The following TBC1D14 variants were observed in gnomAD, a reference collection of about 807,000 sequenced individuals.
The protein encoded by TBC1D14 is TBC1 domain family, member 14.
A neutral mutation model predicts 79.0 loss-of-function variants in TBC1D14; 26 were observed. The observed-to-expected ratio is 0.33, with a 90% CI of 0.24 to 0.46. The LOEUF (loss-of-function observed/expected upper bound fraction) is 0.46, where lower values mean the gene tolerates loss of function less well. TBC1D14 is among the 20% of genes least tolerant of loss of function. The pLI is 1.00. For synonymous variants in TBC1D14, 394 were observed against 349.9 expected, an observed-to-expected ratio of 1.13 and a Z score of -1.40; for missense variants, 769 against 887.6, an observed-to-expected ratio of 0.87 and a Z score of 1.70.
chr4:6,969,429 G>A (rs58935653), intron 3 of TBC1D14, among the ~76,000 whole-genome samples: 42,423 of 151,076 alleles, frequency 0.28, 6,024 homozygotes, highest in Admixed American at 0.32. Context: ...TTTTTGAGAC[G>A]GAGTCTCACT....
At chr4:6,964,760 A>G (rs1390994103) in intron 2 of TBC1D14, among the ~76,000 whole-genome samples, 1 of 152,220 alleles carries the variant, frequency 6.6e-6, no homozygotes, top group African/African-American at 2.4e-5. Context: ...TAACCACAAC[A>G]GAAAAGGAAG....
At chr4:6,926,089 C>A (rs1172502526) in intron 2 of TBC1D14, among the ~76,000 whole-genome samples, 2 of 152,202 alleles carry the variant, frequency 1.3e-5, no homozygotes, top group Non-Finnish European at 2.9e-5. Flanking sequence ...CCCCTAGAAC[C>A]GTGCGCGGAG....
At position 6,997,820 on chromosome 4, in the gene TBC1D14, A is replaced by G. The variant is rs538344625; in HGVS notation, c.1046-1265A>G. Among the ~76,000 whole-genome samples the G allele has an allele frequency of 9.2e-5, 14 of 152,278 alleles. No homozygotes were observed. The South Asian group carries it at 2.9e-3, about 32-fold the overall frequency. The stretch of plus-strand genomic sequence containing the variant: ...TCTATGAGGTCCCTAAGAGCAGTCA[A>G]ACTCAGAGACAAAAAGTAGAATGAT... On this transcript the variant is annotated intron_variant, in intron 5 of 13. Transcript: ENST00000409757.
intron 2 of TBC1D14, among the ~76,000 whole-genome samples, chr4:6,958,837 G>A (rs1325010447): frequency 6.6e-6 from 1 of 151,754 alleles, no homozygotes; most frequent in Non-Finnish European, 1.5e-5. Context: ...CAAGGTGTCC[G>A]TACCCCTGTC....
At chr4:6,984,698 A>G (rs1299678357) in intron 3 of TBC1D14, among the ~76,000 whole-genome samples, 1 of 152,172 alleles carries the variant, frequency 6.6e-6, no homozygotes, top group Non-Finnish European at 1.5e-5. Flanking sequence ...CAAATTATGT[A>G]TGTGTAAATT....
chr4:6,924,687 C>G (rs1231156506), intron 2 of TBC1D14, among the ~76,000 whole-genome samples: 1 of 152,214 alleles, frequency 6.6e-6, no homozygotes, highest in Non-Finnish European at 1.5e-5. Flanking sequence ...ACTCCGTCCC[C>G]ATGGGGCCTT....
At chr4:6,950,478 G>C (rs1440353222) in intron 2 of TBC1D14, among the ~76,000 whole-genome samples, 2 of 152,164 alleles carry the variant, frequency 1.3e-5, no homozygotes, top group Admixed American at 6.5e-5. Context: ...AGAAATCCTA[G>C]TCTGGGTCTT....
chr4:6,993,748 G>A (rs1255033373), intron 3 of TBC1D14, among the ~76,000 whole-genome samples: 1 of 152,142 alleles, frequency 6.6e-6, no homozygotes, highest in Non-Finnish European at 1.5e-5. Context: ...AGTGGCTCAC[G>A]CCTGTAATGT....
chr4:6,979,224 G>C (rs1287655697), intron 3 of TBC1D14, among the ~76,000 whole-genome samples: 1 of 152,186 alleles, frequency 6.6e-6, no homozygotes, highest in African/African-American at 2.4e-5. Context: ...GAAAACAAAT[G>C]AGATGGTAGA....
At chr4:7,024,020 G>A (rs1368592023) in intron 12 of TBC1D14, among the ~76,000 whole-genome samples, 4 of 152,220 alleles carry the variant, frequency 2.6e-5, no homozygotes, top group African/African-American at 7.2e-5. Context: ...GGAGCTGTGG[G>A]CTCTGTGCAA....
chr4:6,957,050 C>T (rs534540305), intron 2 of TBC1D14, among the ~76,000 whole-genome samples: 7 of 152,338 alleles, frequency 4.6e-5, no homozygotes, highest in Non-Finnish European at 7.3e-5. Context: ...ATGGTTGCAC[C>T]GTGCTGGGAG....
At chr4:6,929,830 G>C (rs1560253049) in intron 2 of TBC1D14, among the ~76,000 whole-genome samples, 1 of 152,222 alleles carries the variant, frequency 6.6e-6, no homozygotes, top group Non-Finnish European at 1.5e-5. Context: ...CAGTTGCCCT[G>C]TTCTGAGCTC....
chr4:6,963,964 A>AT (rs1715475246), intron 2 of TBC1D14, among the ~76,000 whole-genome samples: 2 of 151,808 alleles, frequency 1.3e-5, no homozygotes, highest in Admixed American at 1.3e-4. Flanking sequence ...CGCCTGGCTA[A>AT]TTTTTGTATT....
At chr4:6,994,120 A>C in intron 3 of TBC1D14, 64 bp from the exon 4 acceptor site, 2 of 1,367,026 alleles carry the variant, frequency 1.5e-6, no homozygotes, top group South Asian at 1.2e-5. Flanking sequence ...CAACTTTCTT[A>C]CTTTCCGAAG....
chr4:6,987,299 C>T (rs1230321577), intron 3 of TBC1D14: 7 of 1,364,770 alleles, frequency 5.1e-6, no homozygotes, highest in East Asian at 3.1e-5. Flanking sequence ...GCCCTCCGCT[C>T]GCTGGGCATG....
At chr4:6,969,664 C>T (rs1560292957) in intron 3 of TBC1D14, among the ~76,000 whole-genome samples, 1 of 151,930 alleles carries the variant, frequency 6.6e-6, no homozygotes, top group Non-Finnish European at 1.5e-5. Flanking sequence ...CTCGGCCTCC[C>T]AAAGTGCTGG....
intron 9 of TBC1D14, among the ~76,000 whole-genome samples, chr4:7,007,217 A>C (rs1720290604): frequency 6.6e-6 from 1 of 152,160 alleles, no homozygotes; most frequent in East Asian, 1.9e-4. Flanking sequence ...GAGCAGGTAG[A>C]CCAGGAGAGC....
At chr4:7,020,940 A>G (rs1177475389) in intron 12 of TBC1D14, among the ~76,000 whole-genome samples, 1 of 152,214 alleles carries the variant, frequency 6.6e-6, no homozygotes, top group African/African-American at 2.4e-5. Context: ...GGTTGTAACA[A>G]GGATTCAGAT....
intron 2 of TBC1D14, 49 bp downstream of exon 2, chr4:6,924,160 C>T: frequency 1.3e-6 from 2 of 1,555,144 alleles, no homozygotes; most frequent in Non-Finnish European, 1.7e-6. Context: ...GAGTCCAGAC[C>T]AGTCTCCTTG....
Sources: gnomAD v4.1 joint callset for allele counts (sites outside exome capture counted in the v4.1 genomes callset) on GRCh38, gnomAD v4.1.1 for gene constraint, MANE v1.5 for transcripts, NCBI Gene and HGNC (gene_info 2026-07-23, HGNC 2026-07-21) for gene names.